Variants in PRIM2 observed in about 807,000 individuals in gnomAD.
PRIM2 encodes the protein DNA primase subunit 2, also known as DNA primase large subunit.
In PRIM2, 39 loss-of-function variants were observed where a neutral mutation model predicts 67.3. The observed-to-expected ratio is 0.58, with a 90% CI of 0.45 to 0.76. The LOEUF (loss-of-function observed/expected upper bound fraction) is 0.76. Ranked by LOEUF, PRIM2 falls within the 30% of genes least tolerant of loss-of-function variation. The pLI is 0.00. For synonymous variants in PRIM2, 143 were observed against 198.7 expected (o/e 0.72, Z 2.36); for missense variants, 398 against 598.7 (o/e 0.66, Z 3.50).
chr6:57,333,666 G>A (rs938952761), intron 5 of PRIM2, among the ~76,000 whole-genome samples: 3 of 151,236 alleles, frequency 2.0e-5, no homozygotes, highest in East Asian at 1.9e-4. Flanking sequence ...TTTTCTTTTC[G>A]GTCCTGACAT....
intron 13 of PRIM2, 110 bp from the exon 14 acceptor site, chr6:57,645,818 A>C (rs1777324564): frequency 9.4e-6 from 6 of 637,220 alleles, no homozygotes; most frequent in Non-Finnish European, 1.6e-5. Context: ...AACAGCTAGA[A>C]TCCATGTTTC....
intron 9 of PRIM2, among the ~76,000 whole-genome samples, chr6:57,534,212 G>C (rs1169297634): frequency 1.3e-5 from 2 of 151,992 alleles, no homozygotes; most frequent in African/African-American, 4.8e-5. Context: ...TTCTTGGTCC[G>C]CATTTCTCTG....
At chr6:57,548,033 A>C (rs1232094072) in intron 10 of PRIM2, among the ~76,000 whole-genome samples, 4 of 152,224 alleles carry the variant, frequency 2.6e-5, no homozygotes, top group Admixed American at 2.6e-4. Flanking sequence ...TGGTTTAACA[A>C]ATCATCCAGA....
chr6:57,583,966 G>T (rs1346244673), intron 10 of PRIM2, among the ~76,000 whole-genome samples: 1 of 152,278 alleles, frequency 6.6e-6, no homozygotes, highest in Non-Finnish European at 1.5e-5. Context: ...AGTCCAGGAA[G>T]AATCATCTTG....
chr6:57,313,978 G>A (rs1037449038), upstream of PRIM2, among the ~76,000 whole-genome samples: 3 of 152,208 alleles, frequency 2.0e-5, no homozygotes, highest in Non-Finnish European at 2.9e-5. Flanking sequence ...TCTGTAGCTG[G>A]GTAATGCCCA....
At chr6:57,297,012 G>A in the PRIM2 span, among the ~76,000 whole-genome samples, 4 of 152,008 alleles carry the variant, frequency 2.6e-5, no homozygotes, top group Non-Finnish European at 5.9e-5. Context: ...ATACTCTATA[G>A]AATAAAATAA....
intron 5 of PRIM2, among the ~76,000 whole-genome samples, chr6:57,371,771 A>G (rs965910775): frequency 2.6e-5 from 4 of 152,220 alleles, no homozygotes; most frequent in African/African-American, 9.6e-5. Flanking sequence ...TATCTCCCCA[A>G]TCAGTTTCTT....
intron 7 of PRIM2, among the ~76,000 whole-genome samples, 154 bp from the exon 8 acceptor site, chr6:57,507,233 T>A (rs1385154673): frequency 9.2e-5 from 14 of 152,236 alleles, no homozygotes; most frequent in African/African-American, 3.4e-4. Flanking sequence ...GTGAGGTTTT[T>A]ATATAATTTC....
At chr6:57,304,425 T>A in the PRIM2 span, among the ~76,000 whole-genome samples, 1 of 152,340 alleles carries the variant, frequency 6.6e-6, no homozygotes, top group Middle Eastern at 3.4e-3. Context: ...AAGATTGGAT[T>A]AACTCTACAT....
At chr6:57,562,588 G>C (rs1422955870) in intron 10 of PRIM2, among the ~76,000 whole-genome samples, 1 of 152,108 alleles carries the variant, frequency 6.6e-6, no homozygotes, top group Non-Finnish European at 1.5e-5. Flanking sequence ...ATGATCTATA[G>C]ATGATCTATG....
At chr6:57,642,587 C>G (rs1777262638) in intron 13 of PRIM2, among the ~76,000 whole-genome samples, 1 of 151,086 alleles carries the variant, frequency 6.6e-6, no homozygotes, top group Non-Finnish European at 1.5e-5. Flanking sequence ...GGACTACAGG[C>G]ACGCGCCACC....
At position 57,542,939 on chromosome 6, in the gene PRIM2, A is replaced by ATTTT. The variant is rs1193756482; in HGVS notation, c.1020+5330_1020+5333dup. On this transcript the variant is annotated intron_variant, in intron 10 of 13. Transcript: ENST00000615550. ...GTTGGCTTAAAATACTGCTTATAGG[A>ATTTT]TTTTTTTTTTTTTTTTTTTGAGACG... Among the ~76,000 whole-genome samples the ATTTT allele has an allele frequency of 3.1e-4, 22 of 71,902 alleles. 4 individuals are homozygous for ATTTT. Among genetic ancestry groups the ATTTT allele is most frequent in the African/African-American group, 8.8e-4 (13 of 14,776 alleles). 47.2% of individuals were successfully genotyped at this position (71,902 alleles called of 152,430 possible). A position where few individuals can be genotyped will look rare whatever the true frequency, so the allele number is the denominator to read the frequency against.
chr6:57,572,532 T>C (rs1249505226), intron 10 of PRIM2, among the ~76,000 whole-genome samples: 10 of 152,216 alleles, frequency 6.6e-5, no homozygotes, highest in Admixed American at 6.5e-4. Context: ...ATAATAATCC[T>C]CTGAATCTTT....
At chr6:57,491,878 T>C (rs1305101860) in intron 7 of PRIM2, among the ~76,000 whole-genome samples, 1 of 152,184 alleles carries the variant, frequency 6.6e-6, no homozygotes, top group Non-Finnish European at 1.5e-5. Flanking sequence ...GCTGGGTTCC[T>C]TATTTGTATA....
chr6:57,319,692 A>T (rs549460342), intron 2 of PRIM2, among the ~76,000 whole-genome samples: 97 of 152,258 alleles, frequency 6.4e-4, no homozygotes, highest in Middle Eastern at 3.4e-3. Context: ...TGGTGACTGG[A>T]TATGAGGAGT....
At chr6:57,315,504 G>A (rs997178778), upstream of PRIM2, among the ~76,000 whole-genome samples, 1 of 152,164 alleles carries the variant, frequency 6.6e-6, no homozygotes, top group African/African-American at 2.4e-5. Context: ...GCAACACTGA[G>A]TAGTTTCATT....
intron 10 of PRIM2, among the ~76,000 whole-genome samples, chr6:57,579,599 G>A (rs1258195729): frequency 3.0e-5 from 4 of 131,960 alleles, no homozygotes; most frequent in Admixed American, 7.0e-5. Context: ...GAGCTAATTT[G>A]ATAATTAACA....
intron 7 of PRIM2, among the ~76,000 whole-genome samples, chr6:57,406,179 G>A (rs1319274625): frequency 6.6e-6 from 1 of 152,134 alleles, no homozygotes. Flanking sequence ...AGGGAGTGGG[G>A]AGTAAGACCA....
chr6:57,539,795 A>G (rs1478845120), intron 10 of PRIM2, among the ~76,000 whole-genome samples: 1 of 152,004 alleles, frequency 6.6e-6, no homozygotes, highest in Non-Finnish European at 1.5e-5. Flanking sequence ...GGAGTTCAAG[A>G]CCAGCCTGGC....
Sources: gnomAD v4.1 joint callset for allele counts (sites outside exome capture counted in the v4.1 genomes callset) on GRCh38, gnomAD v4.1.1 for gene constraint, MANE v1.5 for transcripts, NCBI Gene and HGNC (gene_info 2026-07-23, HGNC 2026-07-21) for gene names.